KIF6: variants seen among roughly 807,000 people sequenced by gnomAD.
The protein encoded by KIF6 is kinesin family member 6.
A neutral mutation model predicts 112.7 loss-of-function variants in KIF6; 106 were observed. The observed-to-expected ratio is 0.94, with a 90% CI of 0.80 to 1.11. The LOEUF (loss-of-function observed/expected upper bound fraction) is 1.11, where lower values mean the gene tolerates loss of function less well. Ranked by LOEUF, KIF6 falls within the 50% of genes least tolerant of loss-of-function variation. The pLI is 0.00. For synonymous variants in KIF6, 339 were observed against 339.9 expected (o/e 1.00, Z 0.03); for missense variants, 929 against 964.0 (o/e 0.96, Z 0.48).
chr6:39,437,592 C>A (rs191145545), intron 13 of KIF6, among the ~76,000 whole-genome samples: 1 of 152,266 alleles, frequency 6.6e-6, no homozygotes, highest in Admixed American at 6.5e-5. Context: ...TGGACAGTTT[C>A]ATCTCCTACA....
intron 10 of KIF6, among the ~76,000 whole-genome samples, chr6:39,562,592 A>G (rs1314472203): frequency 6.6e-6 from 1 of 152,240 alleles, no homozygotes; most frequent in East Asian, 1.9e-4. Context: ...TTTATGGCTC[A>G]GGGGTCACAA....
chr6:39,707,546 G>T (rs949701887), intron 3 of KIF6, among the ~76,000 whole-genome samples: 2 of 152,166 alleles, frequency 1.3e-5, no homozygotes, highest in African/African-American at 4.8e-5. Flanking sequence ...CACTTCTCAG[G>T]TCCTGAGGTC....
At chr6:39,460,505 C>A in intron 13 of KIF6, among the ~76,000 whole-genome samples, 1 of 126,106 alleles carries the variant, frequency 7.9e-6, no homozygotes, top group African/African-American at 3.1e-5. Context: ...GCACATGTAC[C>A]CTAAAACTTA....
intron 13 of KIF6, among the ~76,000 whole-genome samples, chr6:39,484,848 A>G (rs1276111978): frequency 6.6e-6 from 1 of 152,128 alleles, no homozygotes; most frequent in East Asian, 1.9e-4. Context: ...TTAGATGGGA[A>G]GCTTGCATCT....
intron 13 of KIF6, among the ~76,000 whole-genome samples, chr6:39,474,803 C>A (rs74810550): frequency 2.0e-5 from 3 of 152,218 alleles, no homozygotes; most frequent in Non-Finnish European, 2.9e-5. Context: ...AAGCCTCATA[C>A]GATGGTTCCA....
intron 3 of KIF6, among the ~76,000 whole-genome samples, chr6:39,672,297 G>A (rs970245334): frequency 5.3e-5 from 8 of 152,004 alleles, no homozygotes; most frequent in Non-Finnish European, 1.0e-4. Context: ...CTTAACTCTT[G>A]TTTATATCAA....
At chr6:39,639,092 C>T (rs969888022) in intron 4 of KIF6, among the ~76,000 whole-genome samples, 1 of 152,052 alleles carries the variant, frequency 6.6e-6, no homozygotes, top group Non-Finnish European at 1.5e-5. Flanking sequence ...ACTGATAAAG[C>T]TACTGGCATT....
chr6:39,590,328 CT>C (rs1474661793), intron 7 of KIF6, among the ~76,000 whole-genome samples: 3 of 150,688 alleles, frequency 2.0e-5, no homozygotes, highest in Admixed American at 6.6e-5. Context: ...ATATTGATGT[CT>C]TTTCATTCAA....
intron 3 of KIF6, among the ~76,000 whole-genome samples, chr6:39,682,515 G>A (rs552013188): frequency 6.6e-6 from 1 of 152,320 alleles, no homozygotes; most frequent in East Asian, 1.9e-4. Context: ...ACGTCCTTAT[G>A]CAGTGCATAA....
At chr6:39,596,895 T>C (rs540186499) in intron 6 of KIF6, among the ~76,000 whole-genome samples, 1 of 152,252 alleles carries the variant, frequency 6.6e-6, no homozygotes, top group South Asian at 2.1e-4. Flanking sequence ...GGATATGAGA[T>C]GAATATATAA....
At position 39,382,501 on chromosome 6, in the gene KIF6, G is replaced by GT. The variant is rs112661820; in HGVS notation, c.1861+3120dup. ...ATGTTGCCGCAAAGGATGTGATTTT[G>GT]TTTTTTTTTATGGCCGTGTAGTGTT... is the stretch of plus-strand genomic sequence containing the variant. On this transcript the variant is annotated intron_variant, in intron 16 of 22. Transcript: ENST00000287152. Among the ~76,000 whole-genome samples the GT allele has an allele frequency of 7.4e-3, 1,112 of 150,594 alleles. 13 individuals carry two copies. The highest frequency in any genetic ancestry group is 0.025 in the African/African-American group (1,038 of 41,040).
chr6:39,536,995 G>A (rs1442297441), intron 13 of KIF6, among the ~76,000 whole-genome samples: 1 of 151,052 alleles, frequency 6.6e-6, no homozygotes, highest in Non-Finnish European at 1.5e-5. Context: ...TGCAGAAAAG[G>A]CCTTTGACAA....
At chr6:39,371,027 A>C (rs1765939287) in intron 16 of KIF6, among the ~76,000 whole-genome samples, 1 of 152,202 alleles carries the variant, frequency 6.6e-6, no homozygotes. Flanking sequence ...AGTGTTTAAC[A>C]ACCAGCTCTC....
chr6:39,482,413 G>C (rs1233774631), intron 13 of KIF6, among the ~76,000 whole-genome samples: 1 of 152,170 alleles, frequency 6.6e-6, no homozygotes, highest in Non-Finnish European at 1.5e-5. Context: ...TCTGTTCCCA[G>C]TCCCTTTAGG....
At chr6:39,459,980 T>A (rs1773357582) in intron 13 of KIF6, among the ~76,000 whole-genome samples, 1 of 130,514 alleles carries the variant, frequency 7.7e-6, no homozygotes, top group South Asian at 2.8e-4. Flanking sequence ...TCCTCAGGGA[T>A]CTAGAACTAG....
intron 13 of KIF6, among the ~76,000 whole-genome samples, chr6:39,437,964 T>C (rs1435270098): frequency 9.0e-6 from 1 of 111,686 alleles, no homozygotes; most frequent in Non-Finnish European, 1.9e-5. Flanking sequence ...TACTATACTT[T>C]ATTTATTTAT....
At chr6:39,429,126 T>C (rs1770961580) in intron 14 of KIF6, among the ~76,000 whole-genome samples, 2 of 152,248 alleles carry the variant, frequency 1.3e-5, no homozygotes, top group African/African-American at 4.8e-5. Context: ...CTGAATGAGC[T>C]GAGATCTGCC....
Position 39,348,861 on chromosome 6 carries a change from C to T in KIF6, c.2181-2335G>A, listed in dbSNP as rs534934357. 1.1e-4 allele frequency among the ~76,000 whole-genome samples: 17 copies of T among 152,318 alleles called. No individual in the cohort carries two copies. In the South Asian group the frequency reaches 1.9e-3, roughly 17 times the overall value. ...TCTCAGGAGCAGCCGCTCTGGAGCTCGGGCAGCAACAGCCGCTGGGCCCTC... is the reference window on the plus strand; with the variant it reads ...TCTCAGGAGCAGCCGCTCTGGAGCTTGGGCAGCAACAGCCGCTGGGCCCTC... On this transcript the variant is annotated intron_variant, in intron 19 of 22. Transcript: ENST00000287152.
At position 39,434,974 on chromosome 6, in the gene KIF6, T is replaced by C. The variant is rs142732545; in HGVS notation, c.1646-3813A>G. Among the ~76,000 whole-genome samples, 5 of 152,352 alleles carry C rather than the reference T, an allele frequency of 3.3e-5. No homozygotes were observed. In the East Asian group the frequency reaches 9.6e-4, roughly 29 times the overall value. ...AAGGATAGTATCATGTGCTTTCTTA[T>C]ATATTATTTCAGTTAAATTTCTCTA... On this transcript the variant is annotated intron_variant, in intron 13 of 22. Coordinates refer to ENST00000287152, the MANE Select transcript of KIF6 (RefSeq NM_145027.6).
Sources: allele counts gnomAD v4.1 joint callset (sites outside exome capture counted in the v4.1 genomes callset), GRCh38; gene constraint gnomAD v4.1.1; transcripts MANE v1.5; gene names NCBI Gene and HGNC (gene_info 2026-07-23, HGNC 2026-07-21).